The following PLAGL1 variants were observed in gnomAD, a reference collection of about 807,000 sequenced individuals.
PLAGL1 encodes zinc finger protein PLAGL1.
PLAGL1 carries 1 observed loss-of-function variant against 4.6 expected under a neutral mutation model. The ratio of observed to expected loss-of-function variants is 0.22; its 90% CI spans 0.08 to 1.03. The LOEUF (loss-of-function observed/expected upper bound fraction) is 1.03, where lower values mean the gene tolerates loss of function less well. Ranked by LOEUF, PLAGL1 falls within the 50% of genes least tolerant of loss-of-function variation. The pLI is 0.58. For synonymous variants in PLAGL1, 240 were observed against 237.8 expected (o/e 1.01, Z -0.08); for missense variants, 464 against 570.4 (o/e 0.81, Z 1.90).
chr6:144,010,938 C>T (rs1795133820), upstream of PLAGL1, among the ~76,000 whole-genome samples: 1 of 152,184 alleles, frequency 6.6e-6, no homozygotes, highest in Non-Finnish European at 1.5e-5. This position sits in a 1 kb window ranked among gnomAD's most constrained non-coding sequence, Gnocchi z 4.1. Context: ...TTCGTTACAC[C>T]TTATACAAAA....
rs1163051995 is a variant in PLAGL1 at position 143,989,650 on chromosome 6, C to T, written c.-583-4476G>A. Among the ~76,000 whole-genome samples, 1 of 152,214 alleles carries T rather than the reference C, an allele frequency of 6.6e-6. No individual in the cohort carries two copies. The highest frequency in any genetic ancestry group is 1.5e-5 in the Non-Finnish European group (1 of 68,040). ...GCAGACAGTTGACTGTGGGATTTCT[C>T]AGCCTTCATAATCATCAGGGTCAAT... is the stretch of plus-strand genomic sequence containing the variant. On this transcript the variant is annotated intron_variant, in intron 1 of 7. Coordinates refer to ENST00000674357, the MANE Select transcript of PLAGL1 (RefSeq NM_001317162.2). This position sits in a 1 kb window ranked among gnomAD's most constrained non-coding sequence, Gnocchi z 4.8.
chr6:144,009,630 A>G (rs767655254), upstream of PLAGL1, among the ~76,000 whole-genome samples: 33 of 152,248 alleles, frequency 2.2e-4, no homozygotes, highest in Admixed American at 1.4e-3. Context: ...CCCGTCATCT[A>G]CATTAGGCAT....
At chr6:143,991,486 T>C (rs1790463716) in intron 1 of PLAGL1, among the ~76,000 whole-genome samples, 1 of 152,128 alleles carries the variant, frequency 6.6e-6, no homozygotes. Flanking sequence ...GAGCATGAGG[T>C]GCGGAACAGA....
rs1157412703 is a variant in PLAGL1, at chr6:143,985,498, CA to C, written c.-583-325del. On this transcript the variant is annotated intron_variant, in intron 1 of 7. Transcript: ENST00000674357. The surrounding 1 kb of genome is among the most constrained non-coding windows in gnomAD (Gnocchi z 4.4). Reference sequence around the variant, plus strand: ...AAGGATCCATCATGTTGCCCTTTTACAATCACACACCACCTCCTTTGCCAAA... The same window carrying C: ...AAGGATCCATCATGTTGCCCTTTTACATCACACACCACCTCCTTTGCCAAA... Among the ~76,000 whole-genome samples, 2 of 152,160 alleles carry C rather than the reference CA, an allele frequency of 1.3e-5. No individual in the cohort carries two copies. The highest frequency in any genetic ancestry group is 4.8e-5 in the African/African-American group (2 of 41,420).
At chr6:144,010,172 C>T (rs372473713), upstream of PLAGL1, among the ~76,000 whole-genome samples, 192 of 152,310 alleles carry the variant, frequency 1.3e-3, no homozygotes, top group African/African-American at 4.5e-3. The surrounding 1 kb of genome is among the most constrained non-coding windows in gnomAD (Gnocchi z 4.1). Context: ...ACATCCTCTC[C>T]AGCATCTGTT....
intron 1 of PLAGL1, among the ~76,000 whole-genome samples, chr6:144,017,288 T>C (rs1795631393): frequency 6.6e-6 from 1 of 152,152 alleles, no homozygotes; most frequent in Non-Finnish European, 1.5e-5. Flanking sequence ...CTCTTCTCCT[T>C]TTTTTGAAAC....
rs1798690604 is a variant in PLAGL1, at chr6:144,053,016, C to CA, written c.-151+11451dup. Among the ~76,000 whole-genome samples, 1 of 152,184 alleles carries CA rather than the reference C, an allele frequency of 6.6e-6. No individual in the cohort carries two copies. The highest frequency in any genetic ancestry group is 1.5e-5 in the Non-Finnish European group (1 of 68,014). On this transcript the variant is annotated intron_variant, in intron 1 of 3. Coordinates refer to the PLAGL1 transcript ENST00000437412. This position sits in a 1 kb window ranked among gnomAD's most constrained non-coding sequence, Gnocchi z 4.0. The stretch of plus-strand genomic sequence containing the variant: ...TTATACTCACAATACTATATTTTTT[C>CA]AGGTTAGCACCAATACTTGTAAATG...
chr6:143,988,871 A>C (rs1337870190), intron 1 of PLAGL1, among the ~76,000 whole-genome samples: 1 of 152,136 alleles, frequency 6.6e-6, no homozygotes, highest in Non-Finnish European at 1.5e-5. Context: ...TTTCTTCCCT[A>C]AGGCCCCACC....
Position 143,983,300 on chromosome 6 carries a change from G to A in PLAGL1, c.-544+1835C>T, listed in dbSNP as rs1788345389. On this transcript the variant is annotated intron_variant, in intron 2 of 7. Transcript: ENST00000674357. This position sits in a 1 kb window ranked among gnomAD's most constrained non-coding sequence, Gnocchi z 6.6. ...TCGCTGGTGACACTTGAGAACTTTG[G>A]TGGAATGCCCAGACAGAACTGAGAA... 6.6e-6 allele frequency among the ~76,000 whole-genome samples: 1 copy of A among 152,168 alleles called. No homozygotes were observed. The highest frequency in any genetic ancestry group is 2.4e-5 in the African/African-American group (1 of 41,442).
chr6:143,941,833 A>C lies in PLAGL1; in HGVS notation c.983T>G (p.Ile328Ser). Residue 328 changes from isoleucine to serine, a missense_variant, in exon 8 of 8, where the codon ATC becomes AGC. This residue lies in a region of PLAGL1 where 248 missense variants were observed against 250.1 expected (regional missense o/e 0.99). Coordinates refer to ENST00000674357, the MANE Select transcript of PLAGL1 (RefSeq NM_001317162.2). The surrounding 1 kb of genome is among the most constrained non-coding windows in gnomAD (Gnocchi z 6.0). The part of the protein sequence containing the change: ...LKADTKGFCN[I>S]SLFEDLPLQE... ...CAGAGGCAAGTCCTCAAACAAACTG[A>C]TATTGCAAAAACCTTTAGTATCTGC... 6.2e-7 allele frequency: 1 copy of C among 1,614,218 alleles called. No homozygotes were observed. Among genetic ancestry groups the C allele is most frequent in the Non-Finnish European group, 8.5e-7 (1 of 1,180,038 alleles).
intron 7 of PLAGL1, among the ~76,000 whole-genome samples, chr6:143,943,688 TTTC>T: frequency 6.6e-6 from 1 of 152,350 alleles, no homozygotes; most frequent in Non-Finnish European, 1.5e-5. Flanking sequence ...TCAAAAAGAC[TTTC>T]TTCTTTAAAT....
At chr6:144,018,312 A>G (rs1006015986) in intron 1 of PLAGL1, among the ~76,000 whole-genome samples, 10 of 152,222 alleles carry the variant, frequency 6.6e-5, no homozygotes, top group Non-Finnish European at 1.2e-4. Flanking sequence ...TCTTACCTGT[A>G]GAGTATAAAA....
chr6:144,021,645 T>C (rs1795984804), intron 1 of PLAGL1, among the ~76,000 whole-genome samples: 1 of 152,214 alleles, frequency 6.6e-6, no homozygotes, highest in South Asian at 2.1e-4. Flanking sequence ...ATCCATTTGA[T>C]TTTTCTCCTA....
intron 1 of PLAGL1, among the ~76,000 whole-genome samples, chr6:144,029,732 T>G (rs1583785146): frequency 6.6e-6 from 1 of 152,198 alleles, no homozygotes; most frequent in Admixed American, 6.5e-5. Flanking sequence ...GAAGGCAACC[T>G]TATGGAAGTT....
rs1387519148 is a variant in PLAGL1, at chr6:144,034,833, A to G, written c.-151+29635T>C. On this transcript the variant is annotated intron_variant, in intron 1 of 3. Transcript: ENST00000437412. The surrounding 1 kb of genome is among the most constrained non-coding windows in gnomAD (Gnocchi z 4.7). Reference sequence around the variant, plus strand: ...TTTAAGCAAAGTAGATGAACCAGGAACAAAGCATCAGCTTTGTTTAACATC... The same window carrying G: ...TTTAAGCAAAGTAGATGAACCAGGAGCAAAGCATCAGCTTTGTTTAACATC... 6.6e-6 allele frequency among the ~76,000 whole-genome samples: 1 copy of G among 152,170 alleles called. No individual in the cohort carries two copies.
rs9484839 is a variant in PLAGL1, at chr6:144,053,277, G to T, written c.-151+11191C>A. On this transcript the variant is annotated intron_variant, in intron 1 of 3. Transcript: ENST00000437412. The surrounding 1 kb of genome is among the most constrained non-coding windows in gnomAD (Gnocchi z 4.0). Reference sequence around the variant, plus strand: ...AGTCTCCTGAGTACCTGGGATTACAGGCATGCACCATCATGCCGAGCTAAT... The same window carrying T: ...AGTCTCCTGAGTACCTGGGATTACATGCATGCACCATCATGCCGAGCTAAT... Among the ~76,000 whole-genome samples the T allele has an allele frequency of 0.047, 7,191 of 152,232 alleles. 568 individuals carry two copies. The highest frequency in any genetic ancestry group is 0.16 in the African/African-American group (6,778 of 41,504).
At position 143,994,038 on chromosome 6, in the gene PLAGL1, G is replaced by T. The variant is rs1344788123; in HGVS notation, c.-583-8864C>A. On this transcript the variant is annotated intron_variant, in intron 1 of 7. Transcript: ENST00000674357. This position sits in a 1 kb window ranked among gnomAD's most constrained non-coding sequence, Gnocchi z 4.3. ...AAATGTTCACTTCATATATGGCTAA[G>T]GAAAAAAAAAAAAAGAAAAGAACTC... Among the ~76,000 whole-genome samples, 1 of 147,210 alleles carries T rather than the reference G, an allele frequency of 6.8e-6. No homozygotes were observed. The highest frequency in any genetic ancestry group is 2.5e-5 in the African/African-American group (1 of 40,302).
chr6:144,005,728 T>A lies in PLAGL1; in HGVS notation c.-584+2362A>T, dbSNP rs1794029758. 1 of 151,946 alleles carries A rather than the reference T, an allele frequency of 6.6e-6. No homozygotes were observed. The highest frequency in any genetic ancestry group is 6.5e-5 in the Admixed American group (1 of 15,276). The allele number at this position is 151,946 out of a possible 1,614,324, so 9.4% of individuals were successfully genotyped here. On this transcript the variant is annotated intron_variant, in intron 1 of 7. Coordinates refer to ENST00000674357, the MANE Select transcript of PLAGL1 (RefSeq NM_001317162.2). The surrounding 1 kb of genome is among the most constrained non-coding windows in gnomAD (Gnocchi z 4.6). ...ATCCAGAATGTTTTCCAATATAAAT[T>A]TCTGCAATGATGGAAATATTCTGTT...
intron 1 of PLAGL1, among the ~76,000 whole-genome samples, chr6:144,049,932 C>G (rs949991780): frequency 1.3e-5 from 2 of 152,076 alleles, no homozygotes; most frequent in African/African-American, 4.8e-5. Flanking sequence ...CAGGGTCCAA[C>G]AGTGCACAAG....
Sources: allele counts gnomAD v4.1 joint callset (sites outside exome capture counted in the v4.1 genomes callset), GRCh38; gene constraint gnomAD v4.1.1; regional missense constraint gnomAD v4.1.1; non-coding constraint Gnocchi (gnomAD v3.1); transcripts MANE v1.5; gene names NCBI Gene and HGNC (gene_info 2026-07-23, HGNC 2026-07-21).